CACNA1E: variants seen among roughly 807,000 people sequenced by gnomAD.
CACNA1E encodes voltage-dependent R-type calcium channel subunit alpha-1E.
A neutral mutation model predicts 259.2 loss-of-function variants in CACNA1E; 40 were observed. The ratio of observed to expected loss-of-function variants is 0.15; its 90% CI spans 0.12 to 0.20. The LOEUF (loss-of-function observed/expected upper bound fraction) is 0.20. Among genes scored for constraint, CACNA1E ranks in the 10% least tolerant of loss-of-function variants. The pLI is 1.00. For synonymous variants in CACNA1E, 1,104 were observed against 1,138.5 expected (o/e 0.97, Z 0.61); for missense variants, 1,874 against 3,040.1 (o/e 0.62, Z 9.02).
At chr1:181,660,334 C>T (rs528281871) in intron 7 of CACNA1E, among the ~76,000 whole-genome samples, 1 of 152,212 alleles carries the variant, frequency 6.6e-6, no homozygotes, top group South Asian at 2.1e-4. Context: ...ATTTAGAATA[C>T]AAAGATGGGT....
Position 181,758,947 on chromosome 1 carries a change from T to C in CACNA1E, c.4605+79T>C. On this transcript the variant is annotated intron_variant, in intron 32 of 47. Transcript: ENST00000367573. This position sits in a 1 kb window ranked among gnomAD's most constrained non-coding sequence, Gnocchi z 4.2. ...TTCCCAGTCTTTGTTGAAGGGGAGGTGGTTACTGCTATTCCAGAAATCACC... is the reference window on the plus strand; with the variant it reads ...TTCCCAGTCTTTGTTGAAGGGGAGGCGGTTACTGCTATTCCAGAAATCACC... 1.3e-6 allele frequency: 1 copy of C among 790,126 alleles called. No individual in the cohort carries two copies. The highest frequency in any genetic ancestry group is 2.5e-5 in the East Asian group (1 of 40,486). The allele number at this position is 790,126 out of a possible 1,614,324, so 48.9% of individuals were successfully genotyped here.
At chr1:181,642,118 A>C (rs1490089797) in intron 6 of CACNA1E, among the ~76,000 whole-genome samples, 2 of 152,174 alleles carry the variant, frequency 1.3e-5, no homozygotes, top group Non-Finnish European at 2.9e-5. Flanking sequence ...AGTTGATTGG[A>C]GGTCAGAAGT....
In CACNA1E at chr1:181,758,179, G is replaced by A; in HGVS notation, c.4494+68G>A. On this transcript the variant is annotated intron_variant, in intron 31 of 47. Transcript: ENST00000367573. The surrounding 1 kb of genome is among the most constrained non-coding windows in gnomAD (Gnocchi z 4.2). ...GGTTCCCTCCCAGGGCAAGTGGGAA[G>A]ACACCCCAACATCCCAGCCCATCAC... is the stretch of plus-strand genomic sequence containing the variant. 2 of 1,404,200 alleles carry A rather than the reference G, an allele frequency of 1.4e-6. No individual in the cohort carries two copies. The highest frequency in any genetic ancestry group is 2.0e-6 in the Non-Finnish European group (2 of 1,001,266). 87.0% of individuals were successfully genotyped at this position (1,404,200 alleles called of 1,614,324 possible). A position where few individuals can be genotyped will look rare whatever the true frequency, so the allele number is the denominator to read the frequency against.
chr1:181,341,744 T>C (rs1652169156), intron 1 of CACNA1E, among the ~76,000 whole-genome samples: 1 of 152,214 alleles, frequency 6.6e-6, no homozygotes, highest in South Asian at 2.1e-4. Flanking sequence ...TGTTCACTGC[T>C]CTCTACTCTA....
chr1:181,753,548 A>G (rs1203232645), intron 27 of CACNA1E, among the ~76,000 whole-genome samples: 1 of 152,198 alleles, frequency 6.6e-6, no homozygotes, highest in Admixed American at 6.5e-5. Context: ...TGTGGAGAAA[A>G]TGAACTGACG....
At chr1:181,639,173 C>T (rs936353930) in intron 6 of CACNA1E, among the ~76,000 whole-genome samples, 7 of 152,062 alleles carry the variant, frequency 4.6e-5, no homozygotes, top group South Asian at 2.1e-4. Flanking sequence ...CTGCAAGCTC[C>T]GCTGACCAGG....
At chr1:181,679,897 TC>T (rs1331810187) in intron 7 of CACNA1E, among the ~76,000 whole-genome samples, 2 of 151,822 alleles carry the variant, frequency 1.3e-5, no homozygotes, top group Non-Finnish European at 2.9e-5. Flanking sequence ...GCGGGGAGAA[TC>T]ACTTGAGCAG....
chr1:181,713,321 CA>C (rs1653574200), intron 8 of CACNA1E, among the ~76,000 whole-genome samples: 1 of 152,180 alleles, frequency 6.6e-6, no homozygotes, highest in African/African-American at 2.4e-5. Context: ...GGTATTTTAA[CA>C]AGTTCCTAAT....
chr1:181,630,776 A>T (rs886687335), intron 6 of CACNA1E, among the ~76,000 whole-genome samples: 2 of 152,148 alleles, frequency 1.3e-5, no homozygotes, highest in African/African-American at 4.8e-5. Flanking sequence ...ATAGGGCCTG[A>T]AGGCTTGAAT....
rs929365384 is a variant in CACNA1E, at chr1:181,507,923, G to A, written c.267-2554G>A. On this transcript the variant is annotated intron_variant, in intron 1 of 47. Coordinates refer to ENST00000367573, the MANE Select transcript of CACNA1E (RefSeq NM_001205293.3). ...GCCCCACACTGTTGTGAACACTTTT[G>A]TTAGGAACCAGGACAGGGGATGACA... is the stretch of plus-strand genomic sequence containing the variant. 5.9e-5 allele frequency among the ~76,000 whole-genome samples: 9 copies of A among 152,246 alleles called. No homozygotes were observed. The South Asian group carries it at 1.7e-3, about 28-fold the overall frequency.
Position 181,776,188 on chromosome 1 carries a change from G to A in CACNA1E, c.5227G>A (p.Glu1743Lys). 1 of 1,614,012 alleles carries A rather than the reference G, an allele frequency of 6.2e-7. No homozygotes were observed. Among genetic ancestry groups the A allele is most frequent in the Non-Finnish European group, 8.5e-7 (1 of 1,179,868 alleles). Residue 1743 changes from glutamate (E) to lysine (K), a missense_variant, in exon 38 of 48, where the codon GAG becomes AAG. Physicochemically the swap from Glu to Lys is moderately conservative, Grantham distance 56 (BLOSUM62 1). This residue lies in a region of CACNA1E where 147 missense variants were observed against 337.1 expected (regional missense o/e 0.44). Coordinates refer to ENST00000367573, the MANE Select transcript of CACNA1E (RefSeq NM_001205293.3). The surrounding 1 kb of genome is among the most constrained non-coding windows in gnomAD (Gnocchi z 4.4). ...SSILGPHHLD[E>K]FVRVWAEYDR... is the part of the protein sequence containing the mutation. Reference sequence around the variant, plus strand: ...CATCCTGGGGCCTCACCACTTGGACGAGTTTGTCCGCGTCTGGGCAGAATA... The same window carrying A: ...CATCCTGGGGCCTCACCACTTGGACAAGTTTGTCCGCGTCTGGGCAGAATA...
At chr1:181,406,474 A>G (rs1657470968) in intron 1 of CACNA1E, among the ~76,000 whole-genome samples, 2 of 151,712 alleles carry the variant, frequency 1.3e-5, no homozygotes, top group Admixed American at 1.3e-4. Flanking sequence ...TCGGCTTGCT[A>G]TAACTTCTAC....
chr1:181,746,128 T>A (rs1657060558), intron 25 of CACNA1E, among the ~76,000 whole-genome samples: 1 of 152,318 alleles, frequency 6.6e-6, no homozygotes, highest in Admixed American at 6.5e-5. Flanking sequence ...TGCTGAGGCA[T>A]GGACCACGAG....
intron 6 of CACNA1E, among the ~76,000 whole-genome samples, chr1:181,640,236 T>G (rs147049410): frequency 9.8e-5 from 15 of 152,330 alleles, no homozygotes; most frequent in African/African-American, 3.6e-4. Context: ...ACTGACCTCA[T>G]AGGGCCATCT....
At chr1:181,409,110 TCATTCC>T (rs1657668064) in intron 1 of CACNA1E, among the ~76,000 whole-genome samples, 1 of 152,216 alleles carries the variant, frequency 6.6e-6, no homozygotes. Context: ...CAGAACACAG[TCATTCC>T]CATTCATTTA....
At chr1:181,619,712 A>G (rs528300304) in intron 6 of CACNA1E, among the ~76,000 whole-genome samples, 9 of 152,274 alleles carry the variant, frequency 5.9e-5, no homozygotes, top group Non-Finnish European at 1.0e-4. Context: ...AATTCTGGAT[A>G]GGTTTTGAAG....
chr1:181,456,299 A>G (rs1199721830), intron 2 of CACNA1E, among the ~76,000 whole-genome samples: 2 of 152,112 alleles, frequency 1.3e-5, no homozygotes, highest in East Asian at 3.9e-4. Flanking sequence ...ACAAGATGAG[A>G]GAGTCCATTA....
At chr1:181,488,205 G>A (rs552523056) in intron 1 of CACNA1E, among the ~76,000 whole-genome samples, 1 of 152,248 alleles carries the variant, frequency 6.6e-6, no homozygotes, top group African/African-American at 2.4e-5. Flanking sequence ...TTCTGCTTTT[G>A]TTGCCTATAA....
intron 1 of CACNA1E, among the ~76,000 whole-genome samples, chr1:181,376,258 C>G (rs1337222467): frequency 6.6e-6 from 1 of 152,118 alleles, no homozygotes; most frequent in Non-Finnish European, 1.5e-5. Flanking sequence ...TATGTGGATT[C>G]CTCCTTTTTT....
Sources: gnomAD v4.1 joint callset for allele counts (sites outside exome capture counted in the v4.1 genomes callset) on GRCh38, gnomAD v4.1.1 for gene constraint, gnomAD v4.1.1 regional missense constraint, Gnocchi (gnomAD v3.1) non-coding constraint, MANE v1.5 for transcripts, NCBI Gene and HGNC (gene_info 2026-07-23, HGNC 2026-07-21) for gene names.